The following IDO2 variants were observed in gnomAD, a reference collection of about 807,000 sequenced individuals.
IDO2 encodes indoleamine 2,3-dioxygenase-like 1 protein.
Under a neutral mutation model 45.1 loss-of-function variants are expected in IDO2, and 46 were observed. The ratio of observed to expected loss-of-function variants is 1.02; its 90% CI spans 0.80 to 1.30. The LOEUF (loss-of-function observed/expected upper bound fraction) is 1.30. IDO2 is among the 50% of genes most tolerant of loss of function. The pLI is 0.00. For missense variants in IDO2, 544 were observed against 491.8 expected, an observed-to-expected ratio of 1.11 and a Z score of -1.00; for synonymous variants, 218 against 184.9, an observed-to-expected ratio of 1.18 and a Z score of -1.45.
chr8:39,979,302 C>T (rs563091337), intron 4 of IDO2, 116 bp downstream of exon 4: 11 of 1,049,726 alleles, frequency 1.0e-5, no homozygotes, highest in East Asian at 5.4e-5. Context: ...TTCTTCTTCT[C>T]GATGGGCATC....
rs989792808 is a variant in IDO2 at position 39,993,202 on chromosome 8, A to G, written c.667+3364A>G. Among the ~76,000 whole-genome samples the G allele has an allele frequency of 1.5e-4, 23 of 151,840 alleles. 2 individuals are homozygous for G. The highest frequency in any genetic ancestry group is 1.5e-5 in the Non-Finnish European group (1 of 67,988). On this transcript the variant is annotated intron_variant, in intron 8 of 10. Coordinates refer to ENST00000502986, the Ensembl canonical transcript of IDO2. ...AGGTTAAACTATTTTCAGACTTTCA[A>G]GTGTTGAGATTATTAAGACATGTGT...
At chr8:39,994,403 G>A (rs755749120) in intron 8 of IDO2, among the ~76,000 whole-genome samples, 9 of 151,936 alleles carry the variant, frequency 5.9e-5, no homozygotes, top group East Asian at 3.9e-4. Flanking sequence ...GATTATAGGC[G>A]TGTGCCACCA....
At chr8:39,978,532 T>C (rs528657730) in intron 3 of IDO2, among the ~76,000 whole-genome samples, 1 of 151,886 alleles carries the variant, frequency 6.6e-6, no homozygotes, top group South Asian at 2.1e-4. Context: ...AACAGGGCTA[T>C]AGGCATGGAG....
At chr8:40,001,399 A>C (rs1802135611) in intron 8 of IDO2, among the ~76,000 whole-genome samples, 1 of 151,246 alleles carries the variant, frequency 6.6e-6, no homozygotes. Context: ...ACAGGCGTGC[A>C]CCACCATGCC....
At chr8:39,990,943 G>A in intron 8 of IDO2, among the ~76,000 whole-genome samples, 1 of 152,180 alleles carries the variant, frequency 6.6e-6, no homozygotes, top group East Asian at 1.9e-4. Context: ...GAGGATGTGA[G>A]AGAGGGGTGT....
At chr8:40,000,053 AT>A (rs1237299989) in intron 8 of IDO2, among the ~76,000 whole-genome samples, 6 of 152,288 alleles carry the variant, frequency 3.9e-5, no homozygotes, top group African/African-American at 7.2e-5. Flanking sequence ...ATCAAAGACA[AT>A]TTTTTAAAGA....
chr8:39,989,210 G>A (rs1394529900), intron 7 of IDO2, among the ~76,000 whole-genome samples: 1 of 152,050 alleles, frequency 6.6e-6, no homozygotes, highest in Non-Finnish European at 1.5e-5. Context: ...ATCAGATTTT[G>A]TGAAAACTCT....
At chr8:39,984,858 G>A (rs1341894099) in intron 5 of IDO2, 3 of 411,402 alleles carry the variant, frequency 7.3e-6, no homozygotes, top group Non-Finnish European at 9.5e-6. Flanking sequence ...AGTTGAGTAG[G>A]AATCAACTAG....
intron 1 of IDO2, among the ~76,000 whole-genome samples, chr8:39,948,411 A>G (rs1807769736): frequency 6.6e-6 from 1 of 152,168 alleles, no homozygotes; most frequent in Non-Finnish European, 1.5e-5. Context: ...CAAACCTGGA[A>G]CATGGCACTT....
At chr8:39,936,865 C>T (rs1306549422) in intron 1 of IDO2, among the ~76,000 whole-genome samples, 1 of 152,152 alleles carries the variant, frequency 6.6e-6, no homozygotes, top group African/African-American at 2.4e-5. Flanking sequence ...GGAAGTCGTC[C>T]TTCCTTTTTG....
exon 7 of IDO2, chr8:39,987,893 T>C: frequency 6.2e-7 from 1 of 1,610,142 alleles, no homozygotes; most frequent in Non-Finnish European, 8.5e-7. Flanking sequence ...CATCATCTCA[T>C]TTCCTGGGGG....
In IDO2 at chr8:40,013,701, AGCAAG is replaced by A. The variant is rs775122457; in HGVS notation, c.858_862del (p.Ser286ArgfsTer4). ...TGATGAGTTCTTAGGCATTCGTCATAGCAAGGAAAGTGGTAAGTCAGACATTTTGT... is the reference window on the plus strand; with the variant it reads ...TGATGAGTTCTTAGGCATTCGTCATAGAAAGTGGTAAGTCAGACATTTTGT... On this transcript the variant is annotated frameshift_variant, in exon 10 of 11. Transcript: ENST00000502986. LOFTEE classifies it high-confidence loss of function. The A allele has an allele frequency of 6.2e-7, 1 of 1,606,702 alleles. No individual in the cohort carries two copies. The highest frequency in any genetic ancestry group is 8.5e-7 in the Non-Finnish European group (1 of 1,175,366).
chr8:40,007,455 A>AT (rs1802240594), intron 9 of IDO2, among the ~76,000 whole-genome samples: 1 of 152,088 alleles, frequency 6.6e-6, no homozygotes, highest in African/African-American at 2.4e-5. Flanking sequence ...TGTATGGTTT[A>AT]TGGGGGAAAG....
At chr8:39,950,514 C>G (rs1303716691) in intron 2 of IDO2, among the ~76,000 whole-genome samples, 3 of 152,048 alleles carry the variant, frequency 2.0e-5, no homozygotes, top group Non-Finnish European at 4.4e-5. Flanking sequence ...TTTTTGGTGT[C>G]ACAGAAAAAG....
At chr8:39,979,578 C>G (rs1204885280) in intron 4 of IDO2, among the ~76,000 whole-genome samples, 1 of 151,880 alleles carries the variant, frequency 6.6e-6, no homozygotes. Flanking sequence ...GTCTCGAACT[C>G]TTGACCTCAG....
intron 2 of IDO2, among the ~76,000 whole-genome samples, chr8:39,959,695 C>T (rs187347269): frequency 1.5e-4 from 23 of 152,180 alleles, no homozygotes; most frequent in African/African-American, 5.5e-4. Flanking sequence ...TGGTGACATG[C>T]CCCTGTAATC....
chr8:39,936,339 G>A (rs1585390700), intron 1 of IDO2, among the ~76,000 whole-genome samples: 1 of 152,314 alleles, frequency 6.6e-6, no homozygotes, highest in East Asian at 1.9e-4. Context: ...CTTGGAAAAT[G>A]TGTGAGAAAT....
rs1337563553 is a variant in IDO2, at chr8:40,013,671, GC to G, written c.828del (p.Phe277LeufsTer5). 3 of 1,613,650 alleles carry G rather than the reference GC, an allele frequency of 1.9e-6. No homozygotes were observed. Among genetic ancestry groups the G allele is most frequent in the East Asian group, 2.2e-5 (1 of 44,876 alleles). On this transcript the variant is annotated frameshift_variant, in exon 10 of 11. Coordinates refer to ENST00000502986, the Ensembl canonical transcript of IDO2. LOFTEE classifies it high-confidence loss of function. ...TGCAGCTCAGAGCACAGTGCTTCAT[GC>G]CTTTGATGAGTTCTTAGGCATTCGT... is the stretch of plus-strand genomic sequence containing the variant.
chr8:39,938,793 C>A (rs536967583), intron 1 of IDO2, among the ~76,000 whole-genome samples: 1 of 152,088 alleles, frequency 6.6e-6, no homozygotes, highest in Admixed American at 6.5e-5. Context: ...CAACAGAAAC[C>A]CCATCAAAGA....
Sources: allele counts gnomAD v4.1 joint callset (sites outside exome capture counted in the v4.1 genomes callset), GRCh38; gene constraint gnomAD v4.1.1; transcripts MANE v1.5; gene names NCBI Gene and HGNC (gene_info 2026-07-23, HGNC 2026-07-21).